Variants in L3MBTL4 observed in about 807,000 individuals in gnomAD.
The protein encoded by L3MBTL4 is L3MBTL histone methyl-lysine binding protein 4.
In L3MBTL4, 70 loss-of-function variants were observed where a neutral mutation model predicts 84.5. That is an observed-to-expected ratio of 0.83 (90% confidence interval 0.68 to 1.01). The LOEUF (loss-of-function observed/expected upper bound fraction) is 1.01. Among genes scored for constraint, L3MBTL4 ranks in the 50% least tolerant of loss-of-function variants. The pLI is 0.00. For missense variants in L3MBTL4, 715 were observed against 754.8 expected (o/e 0.95, Z 0.62); for synonymous variants, 274 against 259.8 (o/e 1.05, Z -0.52).
chr18:6,046,043 A>T (rs991367846), intron 16 of L3MBTL4, among the ~76,000 whole-genome samples: 1 of 152,136 alleles, frequency 6.6e-6, no homozygotes, highest in East Asian at 1.9e-4. Context: ...GTGGAGAAAG[A>T]TCTATCATGC....
At chr18:6,189,235 T>C (rs1176008931) in intron 12 of L3MBTL4, among the ~76,000 whole-genome samples, 1 of 152,194 alleles carries the variant, frequency 6.6e-6, no homozygotes, top group African/African-American at 2.4e-5. Context: ...AGGATACTTG[T>C]CATTGGATTT....
At chr18:5,979,143 A>G (rs566451580) in intron 16 of L3MBTL4, among the ~76,000 whole-genome samples, 2 of 151,616 alleles carry the variant, frequency 1.3e-5, no homozygotes, top group Admixed American at 6.6e-5. Flanking sequence ...AGCTCCCCCA[A>G]CTCTGTCCAT....
At chr18:6,012,083 G>A (rs1229200126) in intron 16 of L3MBTL4, among the ~76,000 whole-genome samples, 3 of 152,192 alleles carry the variant, frequency 2.0e-5, no homozygotes, top group Non-Finnish European at 4.4e-5. Flanking sequence ...GCTGGACTAC[G>A]AAGATGGGAG....
chr18:6,083,636 G>A (rs1004923174), intron 15 of L3MBTL4, among the ~76,000 whole-genome samples: 7 of 152,196 alleles, frequency 4.6e-5, no homozygotes, highest in African/African-American at 1.7e-4. Context: ...CTCCAGGGAT[G>A]TACTACTGTT....
chr18:5,969,353 A>C (rs1182638875), intron 17 of L3MBTL4, 40 bp downstream of exon 17: 3 of 1,609,662 alleles, frequency 1.9e-6, no homozygotes, highest in Admixed American at 3.3e-5. Flanking sequence ...TCTCAGCAGC[A>C]GGCACACCCC....
intron 1 of L3MBTL4, among the ~76,000 whole-genome samples, chr18:6,405,395 C>T (rs1188175812): frequency 2.0e-5 from 3 of 152,210 alleles, no homozygotes; most frequent in East Asian, 1.9e-4. Flanking sequence ...GCAGCCCTGC[C>T]GCTCTGCGAC....
In L3MBTL4 at chr18:6,215,481, G is replaced by A. The variant is rs371584642; in HGVS notation, c.870+269C>T. Among the ~76,000 whole-genome samples, 99 of 152,198 alleles carry A rather than the reference G, an allele frequency of 6.5e-4. 1 individual carries two copies. In the Middle Eastern group the frequency reaches 0.017, roughly 26 times the overall value. ...AATAGAACCAGAAATGTAAGGAATG[G>A]ATCATCAGCAGTTGATGAGGTGTTT... On this transcript the variant is annotated intron_variant, in intron 11 of 18. Coordinates refer to ENST00000317931, the MANE Select transcript of L3MBTL4 (RefSeq NM_001330559.2).
chr18:6,157,935 T>A (rs1486183824), intron 13 of L3MBTL4, among the ~76,000 whole-genome samples: 1 of 152,166 alleles, frequency 6.6e-6, no homozygotes, highest in Non-Finnish European at 1.5e-5. Flanking sequence ...TTTAGGAAAG[T>A]TTCCTTGGTC....
rs1215919912 is a variant in L3MBTL4, at chr18:6,052,180, T to C, written c.1444+28701A>G. 2.0e-5 allele frequency among the ~76,000 whole-genome samples: 3 copies of C among 152,234 alleles called. No individual in the cohort carries two copies. In the East Asian group the frequency reaches 5.8e-4, roughly 29 times the overall value. On this transcript the variant is annotated intron_variant, in intron 16 of 18. Coordinates refer to ENST00000317931, the MANE Select transcript of L3MBTL4 (RefSeq NM_001330559.2). ...GACTAAAAATTTCCTTTAAGTCGAC[T>C]TCATAAGCATTTTCTCTTTGATGTT... is the stretch of plus-strand genomic sequence containing the variant.
Position 6,351,707 on chromosome 18 carries a change from A to T in L3MBTL4, c.-90-39651T>A, listed in dbSNP as rs191706002. Among the ~76,000 whole-genome samples, 5 of 151,474 alleles carry T rather than the reference A, an allele frequency of 3.3e-5. No homozygotes were observed. The East Asian group carries it at 9.8e-4, about 30-fold the overall frequency. On this transcript the variant is annotated intron_variant, in intron 1 of 18. Transcript: ENST00000317931. ...GCTGGGACCACAGGCGCCTGCCACC[A>T]CCCCCGGCTAATTTTTTGTATTTTT...
intron 12 of L3MBTL4, among the ~76,000 whole-genome samples, chr18:6,179,811 G>GT (rs944914249): frequency 2.0e-5 from 3 of 152,112 alleles, no homozygotes; most frequent in Non-Finnish European, 2.9e-5. Context: ...ATTTTATTTT[G>GT]TTTTTTTGTA....
In L3MBTL4 at chr18:6,356,596, T is replaced by C. The variant is rs561518852; in HGVS notation, c.-90-44540A>G. 9 of 152,320 alleles carry C rather than the reference T, an allele frequency of 5.9e-5. No individual in the cohort carries two copies. In the South Asian group the frequency reaches 1.0e-3, roughly 18 times the overall value. 9.4% of individuals were successfully genotyped at this position (152,320 alleles called of 1,614,324 possible). A position where few individuals can be genotyped will look rare whatever the true frequency, so the allele number is the denominator to read the frequency against. On this transcript the variant is annotated intron_variant, in intron 1 of 18. Coordinates refer to ENST00000317931, the MANE Select transcript of L3MBTL4 (RefSeq NM_001330559.2). Reference sequence around the variant, plus strand: ...AACCCGTACTGAATACTGCAGGCAATTGTAATGCAATGGTAAGTATTTCTC... The same window carrying C: ...AACCCGTACTGAATACTGCAGGCAACTGTAATGCAATGGTAAGTATTTCTC...
intron 14 of L3MBTL4, among the ~76,000 whole-genome samples, chr18:6,095,630 G>T (rs983090494): frequency 1.3e-5 from 2 of 152,102 alleles, no homozygotes; most frequent in African/African-American, 2.4e-5. Context: ...GATTACAAGC[G>T]TGAGCCACCG....
At chr18:6,234,321 T>C (rs1234631523) in intron 10 of L3MBTL4, among the ~76,000 whole-genome samples, 8 of 152,042 alleles carry the variant, frequency 5.3e-5, no homozygotes, top group South Asian at 2.1e-4. Context: ...CAAATGGGAT[T>C]TAATTAAACT....
At chr18:6,366,712 C>T (rs1297607818) in intron 1 of L3MBTL4, among the ~76,000 whole-genome samples, 1 of 152,128 alleles carries the variant, frequency 6.6e-6, no homozygotes, top group Non-Finnish European at 1.5e-5. Flanking sequence ...GTTGAATGGA[C>T]TATGTTGTGA....
chr18:5,962,374 G>A (rs1200391699), intron 17 of L3MBTL4, among the ~76,000 whole-genome samples: 1 of 152,134 alleles, frequency 6.6e-6, no homozygotes, highest in East Asian at 1.9e-4. Context: ...CCCAAAGCAG[G>A]ACAACACAGG....
intron 4 of L3MBTL4, among the ~76,000 whole-genome samples, chr18:6,276,636 C>A (rs2049089150): frequency 1.4e-5 from 2 of 145,876 alleles, no homozygotes; most frequent in African/African-American, 5.2e-5. Context: ...GCTTATAGTC[C>A]AGCACAAAAC....
intron 12 of L3MBTL4, among the ~76,000 whole-genome samples, chr18:6,176,191 T>C (rs1380963916): frequency 1.3e-5 from 2 of 152,130 alleles, no homozygotes; most frequent in East Asian, 3.9e-4. Flanking sequence ...TTTTGTATCA[T>C]TTGACAAGCA....
chr18:5,991,498 G>A (rs1459717426), intron 16 of L3MBTL4, among the ~76,000 whole-genome samples: 2 of 152,134 alleles, frequency 1.3e-5, no homozygotes, highest in Non-Finnish European at 2.9e-5. Context: ...TTGGTCACTT[G>A]CTACCTGGCA....
Sources: allele counts gnomAD v4.1 joint callset (sites outside exome capture counted in the v4.1 genomes callset), GRCh38; gene constraint gnomAD v4.1.1; transcripts MANE v1.5; gene names NCBI Gene and HGNC (gene_info 2026-07-23, HGNC 2026-07-21).